KIF4A: variants seen among roughly 807,000 people sequenced by gnomAD.
The protein encoded by KIF4A is chromosome-associated kinesin KIF4A.
Under a neutral mutation model 105.9 loss-of-function variants are expected in KIF4A, and 7 were observed. That is an observed-to-expected ratio of 0.07 (90% CI 0.04 to 0.12). The LOEUF (loss-of-function observed/expected upper bound fraction) is 0.12. KIF4A is among the 10% of genes least tolerant of loss of function. The pLI, the probability that KIF4A is intolerant of heterozygous loss-of-function variation, is 1.00. For synonymous variants in KIF4A, 281 were observed against 331.3 expected (o/e 0.85, Z 1.65); for missense variants, 558 against 929.2 (o/e 0.60, Z 5.19).
intron 18 of KIF4A, among the ~76,000 whole-genome samples, chrX:70,380,631 C>T (rs2086193845): frequency 8.9e-6 from 1 of 111,765 alleles, no homozygotes; most frequent in Non-Finnish European, 1.9e-5. Flanking sequence ...ACAAGGATGT[C>T]CACTCTTGCC....
chrX:70,375,623 C>T (rs753416895), intron 17 of KIF4A, among the ~76,000 whole-genome samples: 5 of 111,626 alleles, frequency 4.5e-5, no homozygotes, highest in Admixed American at 3.8e-4. Context: ...TGGGTTATAT[C>T]CTGATCACCT....
At chrX:70,395,496 C>T (rs28532900) in intron 20 of KIF4A, among the ~76,000 whole-genome samples, 175 bp from the exon 21 acceptor site, 1,852 of 111,425 alleles carry the variant, frequency 0.017, 36 homozygotes, top group African/African-American at 0.057. Flanking sequence ...TGGCATGTTG[C>T]TGTTAAAGGC....
chrX:70,387,783 G>A (rs971402676), intron 20 of KIF4A, among the ~76,000 whole-genome samples: 5 of 111,502 alleles, frequency 4.5e-5, no homozygotes, highest in South Asian at 7.7e-4. Flanking sequence ...GAGGAGAATC[G>A]TTTGAACCTG....
At chrX:70,405,356 A>G (rs1222940921) in intron 25 of KIF4A, among the ~76,000 whole-genome samples, 1 of 111,274 alleles carries the variant, frequency 9.0e-6, no homozygotes, top group Non-Finnish European at 1.9e-5. Context: ...GACATAAGCA[A>G]ACTAGTTAAG....
At chrX:70,365,571 C>T (rs990120936) in intron 15 of KIF4A, among the ~76,000 whole-genome samples, 2 of 111,779 alleles carry the variant, frequency 1.8e-5, no homozygotes, top group South Asian at 3.7e-4. Flanking sequence ...GTTGAACCAG[C>T]CTTGCATCCC....
At chrX:70,394,491 A>G in intron 20 of KIF4A, among the ~76,000 whole-genome samples, 1 of 111,665 alleles carries the variant, frequency 9.0e-6, no homozygotes, top group Non-Finnish European at 1.9e-5. Flanking sequence ...GTGCCCAGCC[A>G]TGTCTAGCTT....
At chrX:70,402,387 C>T (rs1477522694) in intron 22 of KIF4A, among the ~76,000 whole-genome samples, 179 bp from the exon 23 acceptor site, 1 of 112,523 alleles carries the variant, frequency 8.9e-6, no homozygotes, top group African/African-American at 3.2e-5. Context: ...CTTAGAGTCC[C>T]TTTGTTACAA....
At chrX:70,387,038 C>T in intron 19 of KIF4A, 146 bp from the exon 20 acceptor site, 1 of 460,765 alleles carries the variant, frequency 2.2e-6, no homozygotes, top group Non-Finnish European at 3.8e-6. Context: ...AGTAGCTGTT[C>T]ACCAGTGTTA....
intron 7 of KIF4A, among the ~76,000 whole-genome samples, chrX:70,310,271 G>T (rs902851325): frequency 9.3e-6 from 1 of 107,595 alleles, no homozygotes; most frequent in Admixed American, 1.0e-4. Context: ...GATTAATTTT[G>T]CATGTTCTTA....
chrX:70,405,857 G>A lies in KIF4A; in HGVS notation c.2928G>A (p.Val976=), dbSNP rs761361557. The A allele has an allele frequency of 8.3e-7, 1 of 1,209,128 alleles. No homozygotes were observed. The highest frequency in any genetic ancestry group is 1.8e-5 in the South Asian group (1 of 56,893). The stretch of plus-strand genomic sequence containing the variant: ...AAGAACTTGAGAAAATGCGAGAAGT[G>A]TGTGAGCAAAATCAGCAGCTTCTCC... The part of the protein sequence containing the change: ...QDEELEKMRE[V]CEQNQQLLRE... Residue 976 remains valine, a synonymous_variant, in exon 26 of 31, where the codon GTG becomes GTA. Coordinates refer to ENST00000374403, the MANE Select transcript of KIF4A (RefSeq NM_012310.5).
chrX:70,357,506 A>G (rs1016094346), intron 15 of KIF4A, among the ~76,000 whole-genome samples: 23 of 111,534 alleles, frequency 2.1e-4, no homozygotes, highest in African/African-American at 6.2e-4. Flanking sequence ...CTTCTTTCTC[A>G]TCTGTGTTGA....
intron 18 of KIF4A, among the ~76,000 whole-genome samples, chrX:70,381,231 A>G (rs762604084): frequency 1.1e-4 from 12 of 112,027 alleles, no homozygotes; most frequent in Non-Finnish European, 2.1e-4. Context: ...ACAATTTGAC[A>G]ATGAGATTAA....
chrX:70,299,004 T>C, intron 4 of KIF4A, 109 bp from the exon 5 acceptor site: 1 of 535,056 alleles, frequency 1.9e-6, no homozygotes, highest in Non-Finnish European at 2.9e-6. Context: ...GAACAAATGT[T>C]TAAATATAGA....
chrX:70,315,544 CTTCTGGGTCCCTTTAGGTGTATTGTTAT>C (rs2085866032), intron 7 of KIF4A, among the ~76,000 whole-genome samples: 1 of 111,783 alleles, frequency 8.9e-6, no homozygotes, highest in Non-Finnish European at 1.9e-5. Flanking sequence ...TTCTTTTTGG[CTTCTGGGTCCCTTTAGGTGTATTGTTAT>C]TTTCCTTGGT....
chrX:70,292,594 A>C (rs1373022793), intron 3 of KIF4A, among the ~76,000 whole-genome samples: 1 of 112,331 alleles, frequency 8.9e-6, no homozygotes, highest in Non-Finnish European at 1.9e-5. Flanking sequence ...TCATTTGATT[A>C]AGGTGTTAAT....
chrX:70,395,871 A>T (rs763228612), intron 21 of KIF4A, 45 bp downstream of exon 21: 1 of 1,201,050 alleles, frequency 8.3e-7, no homozygotes, highest in Non-Finnish European at 1.1e-6. Context: ...CAGACTCTAC[A>T]TTCCCCAGAA....
intron 9 of KIF4A, among the ~76,000 whole-genome samples, chrX:70,330,899 T>C (rs955015396): frequency 1.8e-5 from 2 of 111,973 alleles, no homozygotes; most frequent in African/African-American, 6.5e-5. Flanking sequence ...GAGAAACCCA[T>C]GTGTAGACTT....
chrX:70,386,083 A>G (rs1036742200), intron 18 of KIF4A, among the ~76,000 whole-genome samples: 1 of 108,990 alleles, frequency 9.2e-6, no homozygotes, highest in Non-Finnish European at 1.9e-5. Context: ...GTGTGTACCC[A>G]GGTTAACCTT....
chrX:70,394,900 G>A lies in KIF4A; in HGVS notation c.2233-771G>A, dbSNP rs186919211. ...GCTTTCTTTTGATTACTATTAGCAT[G>A]GTATACCTTCATTAAAAGCAGAAAT... is the stretch of plus-strand genomic sequence containing the variant. On this transcript the variant is annotated intron_variant, in intron 20 of 30. Coordinates refer to ENST00000374403, the MANE Select transcript of KIF4A (RefSeq NM_012310.5). 1.3e-3 allele frequency among the ~76,000 whole-genome samples: 140 copies of A among 111,908 alleles called. No homozygotes were observed. In the Middle Eastern group the frequency reaches 0.014, roughly 11 times the overall value.
Sources: gnomAD v4.1 joint callset for allele counts (sites outside exome capture counted in the v4.1 genomes callset) on GRCh38, gnomAD v4.1.1 for gene constraint, MANE v1.5 for transcripts, NCBI Gene and HGNC (gene_info 2026-07-23, HGNC 2026-07-21) for gene names.